Variants in NDUFA9 observed in about 807,000 individuals in gnomAD.
The protein encoded by NDUFA9 is NADH dehydrogenase [ubiquinone] 1 alpha subcomplex subunit 9, mitochondrial.
A neutral mutation model predicts 45.9 loss-of-function variants in NDUFA9; 23 were observed. The observed-to-expected ratio is 0.50, with a 90% CI of 0.36 to 0.71. NDUFA9 has a LOEUF of 0.71. NDUFA9 is among the 30% of genes least tolerant of loss of function. The pLI, the probability that NDUFA9 is intolerant of heterozygous loss-of-function variation, is 0.00. For missense variants in NDUFA9, 466 were observed against 488.2 expected (o/e 0.95, Z 0.43); for synonymous variants, 176 against 170.5 (o/e 1.03, Z -0.25).
rs574277152 is a variant in NDUFA9, at chr12:4,662,220, A to G, written c.553-313A>G. On this transcript the variant is annotated intron_variant, in intron 5 of 10. Coordinates refer to ENST00000266544, the MANE Select transcript of NDUFA9 (RefSeq NM_005002.5). ...GGCTGCTAGATGGTTGACACAAACC[A>G]GAGAATCTGTAAATAGAAGGAAAAA... Among the ~76,000 whole-genome samples the G allele has an allele frequency of 7.9e-5, 12 of 152,360 alleles. No homozygotes were observed. The East Asian group carries it at 2.1e-3, about 27-fold the overall frequency.
At chr12:4,684,804 T>A (rs1305986241) in intron 9 of NDUFA9, among the ~76,000 whole-genome samples, 3 of 118,048 alleles carry the variant, frequency 2.5e-5, no homozygotes, top group African/African-American at 6.0e-5. Flanking sequence ...CTCCTTGCTT[T>A]TGGATTTTTT....
At position 4,661,405 on chromosome 12, in the gene NDUFA9, A is replaced by G. The variant is rs75850557; in HGVS notation, c.553-1128A>G. ...TAGAGGAAAACACGGTTTTTGGGAA[A>G]TGTTGAGGGCCTGGTTAAAATTGGA... On this transcript the variant is annotated intron_variant, in intron 5 of 10. Transcript: ENST00000266544. Among the ~76,000 whole-genome samples the G allele has an allele frequency of 9.5e-4, 145 of 152,254 alleles. No individual in the cohort carries two copies. The East Asian group carries it at 0.025, about 26-fold the overall frequency.
chr12:4,656,583 C>T (rs1445164361), intron 3 of NDUFA9, among the ~76,000 whole-genome samples: 1 of 152,192 alleles, frequency 6.6e-6, no homozygotes, highest in Non-Finnish European at 1.5e-5. Flanking sequence ...GTGCTGATTT[C>T]CCCGCTTTAG....
chr12:4,684,113 A>G (rs1273796962), intron 9 of NDUFA9, among the ~76,000 whole-genome samples: 1 of 152,194 alleles, frequency 6.6e-6, no homozygotes, highest in Non-Finnish European at 1.5e-5. Flanking sequence ...TTAGCATAGA[A>G]TGAGGGCACA....
chr12:4,665,995 A>C (rs1236500478), intron 6 of NDUFA9, among the ~76,000 whole-genome samples: 2 of 152,076 alleles, frequency 1.3e-5, no homozygotes, highest in African/African-American at 4.8e-5. Context: ...TTGTAGAGAC[A>C]GGTCTTGCTC....
rs200198459 is a variant in NDUFA9 at position 4,668,465 on chromosome 12, C to T, written c.664C>T (p.Arg222Trp). The change falls in exon 7 of 11, where the codon CGG (arginine) becomes TGG (tryptophan). Residue 222 changes from arginine (R) to tryptophan (W), a missense_variant. Transcript: ENST00000266544. Reference sequence around the variant, plus strand: ...ATTCTTTCTTCCGCTAGGTATGCATCGGTTTGGTCCTATACCCCTTGGTTC... The same window carrying T: ...ATTCTTTCTTCCGCTAGGTATGCATTGGTTTGGTCCTATACCCCTTGGTTC... ...RFLNSFASMHRFGPIPLGSLG... is the reference protein window; with the variant it reads ...RFLNSFASMHWFGPIPLGSLG... 1.1e-5 allele frequency: 17 copies of T among 1,613,186 alleles called. No individual in the cohort carries two copies. The highest frequency in any genetic ancestry group is 1.7e-4 in the Middle Eastern group (1 of 6,060).
At chr12:4,673,184 A>G (rs945369526) in intron 8 of NDUFA9, among the ~76,000 whole-genome samples, 10 of 152,240 alleles carry the variant, frequency 6.6e-5, no homozygotes, top group Non-Finnish European at 1.5e-4. Context: ...ATCAACAAAA[A>G]GGACGTCCAC....
rs1406241993 is a variant in NDUFA9, at chr12:4,689,561, A to C, written c.*2453A>C. The C allele has an allele frequency of 1.7e-5, 3 of 172,106 alleles. No individual in the cohort carries two copies. Among genetic ancestry groups the C allele is most frequent in the African/African-American group, 7.2e-5 (3 of 41,680 alleles). The allele number at this position is 172,106 out of a possible 1,614,324, so 10.7% of individuals were successfully genotyped here. A position where few individuals can be genotyped will look rare whatever the true frequency, so the allele number is the denominator to read the frequency against. The stretch of plus-strand genomic sequence containing the variant: ...ACAAAGTACATCTTGCACCGCCCTT[A>C]ATCCATTTAACCCTGAGTGGACACA... On this transcript the variant is annotated 3_prime_UTR_variant, in exon 11 of 11. Coordinates refer to ENST00000266544, the MANE Select transcript of NDUFA9 (RefSeq NM_005002.5).
chr12:4,652,692 AC>A (rs1175802784), intron 1 of NDUFA9, among the ~76,000 whole-genome samples: 1 of 152,160 alleles, frequency 6.6e-6, no homozygotes, highest in African/African-American at 2.4e-5. Context: ...CTAGTCACTA[AC>A]CTTATCCATA....
chr12:4,665,616 T>C (rs1945848445), intron 6 of NDUFA9, among the ~76,000 whole-genome samples: 1 of 152,186 alleles, frequency 6.6e-6, no homozygotes, highest in Admixed American at 6.5e-5. Flanking sequence ...TAGCATATGG[T>C]ATATCTATTT....
Position 4,668,541 on chromosome 12 carries a change from AG to A in NDUFA9, c.723+22del, listed in dbSNP as rs1368990958. 6.3e-7 allele frequency: 1 copy of A among 1,595,912 alleles called. No individual in the cohort carries two copies. Among genetic ancestry groups the A allele is most frequent in the Admixed American group, 1.7e-5 (1 of 59,978 alleles). On this transcript the variant is annotated intron_variant, in intron 7 of 10. Coordinates refer to ENST00000266544, the MANE Select transcript of NDUFA9 (RefSeq NM_005002.5). ...CCAGTATATGTAAGTACTTGGATGA[AG>A]GGGGTCAGAAAGGGATTTTTGATGA...
chr12:4,685,419 T>A, intron 10 of NDUFA9, 94 bp downstream of exon 10: 2 of 1,189,434 alleles, frequency 1.7e-6, no homozygotes, highest in Non-Finnish European at 2.4e-6. Flanking sequence ...GGCCCTTGTC[T>A]GTTTGCTGTT....
chr12:4,668,171 T>A (rs1945864373), intron 6 of NDUFA9, among the ~76,000 whole-genome samples: 1 of 152,168 alleles, frequency 6.6e-6, no homozygotes. Flanking sequence ...TAGAGTCCAG[T>A]CTTGGTCGTA....
chr12:4,685,402 G>A, intron 10 of NDUFA9, 77 bp downstream of exon 10: 1 of 1,351,014 alleles, frequency 7.4e-7, no homozygotes, highest in Non-Finnish European at 1.0e-6. Context: ...CTGCTTGCTT[G>A]TTTCCCGGCC....
intron 8 of NDUFA9, among the ~76,000 whole-genome samples, chr12:4,674,169 C>T (rs1222787325): frequency 6.6e-6 from 1 of 152,144 alleles, no homozygotes; most frequent in African/African-American, 2.4e-5. Flanking sequence ...CTGAAGGAAG[C>T]ACTAAACATG....
intron 8 of NDUFA9, among the ~76,000 whole-genome samples, chr12:4,672,195 C>G (rs1435704648): frequency 6.6e-6 from 1 of 152,216 alleles, no homozygotes; most frequent in East Asian, 1.9e-4. Context: ...ACCATGCACT[C>G]TGGCCCAGAT....
At chr12:4,659,886 TAA>T (rs1945813989) in intron 5 of NDUFA9, among the ~76,000 whole-genome samples, 1 of 152,210 alleles carries the variant, frequency 6.6e-6, no homozygotes, top group Non-Finnish European at 1.5e-5. Context: ...GTTTACTGGA[TAA>T]ACTATTCATT....
At chr12:4,680,470 A>G (rs770183829) in intron 8 of NDUFA9, among the ~76,000 whole-genome samples, 9 of 152,314 alleles carry the variant, frequency 5.9e-5, no homozygotes, top group Admixed American at 2.6e-4. Flanking sequence ...GCGGGCTTCA[A>G]TGTACCTTTG....
chr12:4,668,898 A>T (rs991012239), intron 7 of NDUFA9, among the ~76,000 whole-genome samples: 1 of 152,230 alleles, frequency 6.6e-6, no homozygotes, highest in African/African-American at 2.4e-5. Flanking sequence ...TTATGTAATT[A>T]CATCAGAAGG....
Sources: gnomAD v4.1 joint callset for allele counts (sites outside exome capture counted in the v4.1 genomes callset) on GRCh38, gnomAD v4.1.1 for gene constraint, MANE v1.5 for transcripts, NCBI Gene and HGNC (gene_info 2026-07-23, HGNC 2026-07-21) for gene names.